Variants in NAP1L4 observed in about 807,000 individuals in gnomAD.
The protein encoded by NAP1L4 is nucleosome assembly protein 1 like 4.
Under a neutral mutation model 58.2 loss-of-function variants are expected in NAP1L4, and 15 were observed. That is an observed-to-expected ratio of 0.26 (90% CI 0.17 to 0.40). NAP1L4 has a LOEUF of 0.40. Ranked by LOEUF, NAP1L4 falls within the 10% of genes least tolerant of loss-of-function variation. NAP1L4 has a pLI of 1.00. For synonymous variants in NAP1L4, 171 were observed against 155.6 expected (o/e 1.10, Z -0.74); for missense variants, 384 against 451.1 (o/e 0.85, Z 1.35).
At chr11:2,965,448 G>A (rs1425159360) in intron 7 of NAP1L4, among the ~76,000 whole-genome samples, 1 of 152,146 alleles carries the variant, frequency 6.6e-6, no homozygotes, top group Admixed American at 6.5e-5. Flanking sequence ...TAAGAATATG[G>A]TATCATAATC....
intron 10 of NAP1L4, 134 bp downstream of exon 10, chr11:2,958,265 C>T: frequency 1.1e-6 from 1 of 890,424 alleles, no homozygotes; most frequent in Non-Finnish European, 1.8e-6. Flanking sequence ...CAGCCTGGGA[C>T]ACAGCAATGT....
intron 12 of NAP1L4, among the ~76,000 whole-genome samples, chr11:2,952,989 T>C (rs1846320415): frequency 6.6e-6 from 1 of 152,260 alleles, no homozygotes; most frequent in African/African-American, 2.4e-5. Flanking sequence ...GTCATTGCTC[T>C]GTGCCAGGTG....
In NAP1L4 at chr11:2,959,264, T is replaced by A. The variant is rs142978588; in HGVS notation, c.746+506A>T. Among the ~76,000 whole-genome samples, 413 of 152,344 alleles carry A rather than the reference T, an allele frequency of 2.7e-3. No homozygotes were observed. Among genetic ancestry groups the A allele is most frequent in the Admixed American group, 4.4e-3 (67 of 15,312 alleles). On this transcript the variant is annotated intron_variant, in intron 9 of 15. Transcript: ENST00000380542. This position sits in a 1 kb window ranked among gnomAD's most constrained non-coding sequence, Gnocchi z 4.9. The stretch of plus-strand genomic sequence containing the variant: ...AGTCAAGACTAAAACCATTTCTCAG[T>A]CAACCCAACCTGGAGAAATTAATTC...
intron 15 of NAP1L4, among the ~76,000 whole-genome samples, chr11:2,947,657 G>A (rs973157010): frequency 2.6e-5 from 4 of 151,930 alleles, no homozygotes; most frequent in African/African-American, 4.8e-5. Flanking sequence ...AAACTGAAGC[G>A]TCCTTTATCT....
chr11:2,977,792 A>G (rs1348111571), intron 3 of NAP1L4, among the ~76,000 whole-genome samples: 1 of 151,772 alleles, frequency 6.6e-6, no homozygotes, highest in Non-Finnish European at 1.5e-5. Context: ...AAAATATCAC[A>G]TCTGTGAATT....
Position 2,954,370 on chromosome 11 carries a change from T to A in NAP1L4, c.1035+157A>T, listed in dbSNP as rs1564974227. 1 of 1,069,764 alleles carries A rather than the reference T, an allele frequency of 9.3e-7. No homozygotes were observed. The highest frequency in any genetic ancestry group is 1.4e-6 in the Non-Finnish European group (1 of 715,950). The allele number at this position is 1,069,764 out of a possible 1,614,324, so 66.3% of individuals were successfully genotyped here. A position where few individuals can be genotyped will look rare whatever the true frequency, so the allele number is the denominator to read the frequency against. ...TCAGACTTCTCCTCTTCAAGCGTATTCCCCCCACAACAAGGACAGCAGCTT... is the reference window on the plus strand; with the variant it reads ...TCAGACTTCTCCTCTTCAAGCGTATACCCCCCACAACAAGGACAGCAGCTT... On this transcript the variant is annotated intron_variant, in intron 12 of 15. Transcript: ENST00000380542. The surrounding 1 kb of genome is among the most constrained non-coding windows in gnomAD (Gnocchi z 4.8).
In NAP1L4 at chr11:2,945,383, G is replaced by A. The variant is rs1248478360; in HGVS notation, c.*296C>T. 29 of 527,906 alleles carry A rather than the reference G, an allele frequency of 5.5e-5. No individual in the cohort carries two copies. Among genetic ancestry groups the A allele is most frequent in the Non-Finnish European group, 8.8e-5 (26 of 295,636 alleles). 32.7% of individuals were successfully genotyped at this position (527,906 alleles called of 1,614,324 possible). ...AGCTACAGGCACCAAGGCTGCAGAGGGTGCTGGACGAAACCTCCTATTTCT... is the reference window on the plus strand; with the variant it reads ...AGCTACAGGCACCAAGGCTGCAGAGAGTGCTGGACGAAACCTCCTATTTCT... On this transcript the variant is annotated 3_prime_UTR_variant, in exon 16 of 16. Coordinates refer to ENST00000380542, the MANE Select transcript of NAP1L4 (RefSeq NM_005969.4).
chr11:2,978,242 TC>T (rs1453260830), intron 3 of NAP1L4, 41 bp downstream of exon 3: 2 of 1,586,152 alleles, frequency 1.3e-6, no homozygotes, highest in East Asian at 4.5e-5. Flanking sequence ...AGAGGAACGT[TC>T]CCCATACTGG....
chr11:2,945,497 A>G lies in NAP1L4; in HGVS notation c.*182T>C, dbSNP rs1845892232. ...AGTGAAAATCATGCACTTGAAAACG[A>G]GTTAGATGGAGTAAGCTCTGTCCAC... On this transcript the variant is annotated 3_prime_UTR_variant, in exon 16 of 16. Coordinates refer to ENST00000380542, the MANE Select transcript of NAP1L4 (RefSeq NM_005969.4). 2 of 885,734 alleles carry G rather than the reference A, an allele frequency of 2.3e-6. No homozygotes were observed. Among genetic ancestry groups the G allele is most frequent in the Non-Finnish European group, 3.4e-6 (2 of 595,832 alleles). The allele number at this position is 885,734 out of a possible 1,614,324, so 54.9% of individuals were successfully genotyped here.
At chr11:2,976,787 A>C (rs1313400395) in intron 3 of NAP1L4, among the ~76,000 whole-genome samples, 3 of 152,172 alleles carry the variant, frequency 2.0e-5, no homozygotes, top group Non-Finnish European at 4.4e-5. Flanking sequence ...CAATAAACCA[A>C]TGAATGAGAT....
chr11:2,982,663 T>G (rs1397757002), intron 1 of NAP1L4, among the ~76,000 whole-genome samples: 1 of 152,220 alleles, frequency 6.6e-6, no homozygotes, highest in East Asian at 1.9e-4. Context: ...ATCTGACTCC[T>G]TCTAACCTTT....
At chr11:2,980,692 A>C (rs1396752636) in intron 1 of NAP1L4, among the ~76,000 whole-genome samples, 2 of 152,182 alleles carry the variant, frequency 1.3e-5, no homozygotes, top group Admixed American at 6.5e-5. Flanking sequence ...GCAAAGCCCA[A>C]ACCACTGAAT....
rs1341935363 is a variant in NAP1L4 at position 2,949,341 on chromosome 11, G to A, written c.1123-77C>T. On this transcript the variant is annotated intron_variant, in intron 14 of 15. Transcript: ENST00000380542. The surrounding 1 kb of genome is among the most constrained non-coding windows in gnomAD (Gnocchi z 4.0). ...TGCACAAAATTATACAGGAGGAAAC[G>A]GCCACAATTTCTCATGATACAAAAG... 31 of 1,222,864 alleles carry A rather than the reference G, an allele frequency of 2.5e-5. No individual in the cohort carries two copies. Among genetic ancestry groups the A allele is most frequent in the Middle Eastern group, 1.9e-4 (1 of 5,314 alleles). The allele number at this position is 1,222,864 out of a possible 1,614,324, so 75.8% of individuals were successfully genotyped here. A position where few individuals can be genotyped will look rare whatever the true frequency, so the allele number is the denominator to read the frequency against.
intron 1 of NAP1L4, among the ~76,000 whole-genome samples, chr11:2,985,995 T>A (rs1174842907): frequency 1.3e-5 from 2 of 152,240 alleles, no homozygotes; most frequent in African/African-American, 4.8e-5. Flanking sequence ...TCTTATGAAA[T>A]TTTTAAAGAT....
intron 7 of NAP1L4, among the ~76,000 whole-genome samples, chr11:2,966,079 T>C (rs1409229132): frequency 6.6e-6 from 1 of 152,226 alleles, no homozygotes; most frequent in African/African-American, 2.4e-5. Context: ...AGGCACTTCA[T>C]TTGTAACATG....
intron 6 of NAP1L4, 99 bp from the exon 7 acceptor site, chr11:2,970,033 A>G: frequency 8.0e-7 from 1 of 1,252,622 alleles, no homozygotes. Flanking sequence ...ACTATCTCCC[A>G]TCAAACACCT....
At chr11:2,961,969 T>C (rs976736745) in intron 8 of NAP1L4, among the ~76,000 whole-genome samples, 1 of 152,212 alleles carries the variant, frequency 6.6e-6, no homozygotes, top group Admixed American at 6.5e-5. Context: ...GAAAAGTGGC[T>C]TGAAAATAAG....
intron 1 of NAP1L4, among the ~76,000 whole-genome samples, chr11:2,986,165 G>C (rs182686844): frequency 6.6e-6 from 1 of 152,168 alleles, no homozygotes; most frequent in African/African-American, 2.4e-5. Context: ...CATGAGGTCG[G>C]GAGTTCGAGG....
chr11:2,963,075 G>A (rs1357957778), intron 8 of NAP1L4, among the ~76,000 whole-genome samples: 4 of 131,852 alleles, frequency 3.0e-5, no homozygotes, highest in South Asian at 4.8e-4. Context: ...ACTCCAGCCT[G>A]GTGACACAGT....
Sources: allele counts gnomAD v4.1 joint callset (sites outside exome capture counted in the v4.1 genomes callset), GRCh38; gene constraint gnomAD v4.1.1; non-coding constraint Gnocchi (gnomAD v3.1); transcripts MANE v1.5; gene names NCBI Gene and HGNC (gene_info 2026-07-23, HGNC 2026-07-21).